POLR1C: variants seen among roughly 807,000 people sequenced by gnomAD.
The protein encoded by POLR1C is RNA polymerase I and III subunit C.
Under a neutral mutation model 38.3 loss-of-function variants are expected in POLR1C, and 42 were observed. The ratio of observed to expected loss-of-function variants is 1.10; its 90% confidence interval spans 0.86 to 1.42. The LOEUF (loss-of-function observed/expected upper bound fraction) is 1.42, where lower values mean the gene tolerates loss of function less well. Ranked by LOEUF, POLR1C falls within the 40% of genes most tolerant of loss-of-function variation. POLR1C has a pLI of 0.00. For synonymous variants in POLR1C, 163 were observed against 163.9 expected (o/e 0.99, Z 0.04); for missense variants, 507 against 450.5 (o/e 1.13, Z -1.14).
downstream of POLR1C, chr6:43,530,832 G>A (rs754345399): frequency 1.2e-6 from 2 of 1,603,594 alleles, no homozygotes; most frequent in Non-Finnish European, 1.7e-6. Context: ...AAACTGTAAA[G>A]GGGAAAAAAA....
intron 3 of POLR1C, 81 bp downstream of exon 3, chr6:43,519,521 G>A (rs1219726700): frequency 1.5e-6 from 2 of 1,358,692 alleles, no homozygotes; most frequent in South Asian, 1.2e-5. Flanking sequence ...AGTGTCTCAA[G>A]CTGTCCTTCC....
chr6:43,523,665 C>T (rs772002616), downstream of POLR1C: 6 of 858,158 alleles, frequency 7.0e-6, no homozygotes, highest in Non-Finnish European at 1.2e-5. Flanking sequence ...ATAGTTTAAG[C>T]CCTAACTCCC....
rs1231473411 is a variant in POLR1C at position 43,553,510 on chromosome 6, AACACACACACACACATACACACAC to A, written c.*48+2515_*48+2538del. Reference sequence around the variant, plus strand: ...GTTCCAACTGCAGAACAAGCTTTAAAACACACACACACACATACACACACACACACACACACACAATTATCAGCA... The same window carrying A: ...GTTCCAACTGCAGAACAAGCTTTAAAACACACACACACACAATTATCAGCA... On this transcript the variant is annotated intron_variant, in intron 10 of 10. Coordinates refer to the POLR1C transcript ENST00000607635. 21 of 1,503,560 alleles carry A rather than the reference AACACACACACACACATACACACAC, an allele frequency of 1.4e-5. No homozygotes were observed. The East Asian group carries it at 3.2e-4, about 23-fold the overall frequency. 93.1% of individuals were successfully genotyped at this position (1,503,560 alleles called of 1,614,324 possible).
chr6:43,557,783 TAAAAAAAAAAAAA>T (rs59661301), intron 10 of POLR1C, among the ~76,000 whole-genome samples: 5 of 87,230 alleles, frequency 5.7e-5, no homozygotes, highest in Non-Finnish European at 9.0e-5. Context: ...AATAAAGCTG[TAAAAAAAAAAAAA>T]AAAAAAAAAA....
chr6:43,552,294 G>A (rs1044395762), intron 10 of POLR1C, among the ~76,000 whole-genome samples: 1 of 152,088 alleles, frequency 6.6e-6, no homozygotes, highest in African/African-American at 2.4e-5. Context: ...CTGACCTCAG[G>A]TGATCCACCC....
intron 10 of POLR1C, chr6:43,556,170 T>C: frequency 1.7e-6 from 1 of 572,066 alleles, no homozygotes; most frequent in East Asian, 3.3e-5. Flanking sequence ...GGAAACTGTA[T>C]TACCAGCTAG....
At chr6:43,530,558 ATACACT>A, downstream of POLR1C, 1 of 1,088,626 alleles carries the variant, frequency 9.2e-7, no homozygotes, top group Non-Finnish European at 1.3e-6. Context: ...TAATGACATG[ATACACT>A]TAGATACATA....
chr6:43,537,480 C>T (rs1025477208), intron 9 of POLR1C, among the ~76,000 whole-genome samples: 7 of 152,204 alleles, frequency 4.6e-5, no homozygotes, highest in African/African-American at 1.4e-4. Context: ...AATATGGTGT[C>T]TGTCCTCGAC....
chr6:43,528,272 T>G, intron 8 of POLR1C: 1 of 1,471,002 alleles, frequency 6.8e-7, no homozygotes, highest in Non-Finnish European at 9.3e-7. Context: ...ATATCTAAAG[T>G]CAAGTCCACT....
intron 9 of POLR1C, among the ~76,000 whole-genome samples, chr6:43,540,365 G>A (rs779229078): frequency 3.3e-5 from 5 of 152,242 alleles, no homozygotes; most frequent in Non-Finnish European, 7.3e-5. Flanking sequence ...TGTAGTCCCA[G>A]CTACTTGGGA....
intron 10 of POLR1C, chr6:43,558,360 G>A (rs1762223110): frequency 2.8e-6 from 2 of 707,492 alleles, no homozygotes; most frequent in Non-Finnish European, 4.6e-6. Context: ...CTTCTGCAAT[G>A]GGAAACTAGG....
downstream of POLR1C, chr6:43,525,342 T>C: frequency 2.3e-6 from 2 of 882,922 alleles, no homozygotes; most frequent in South Asian, 3.5e-5. Flanking sequence ...TTTGTTTTGT[T>C]GCCCAGGCTG....
chr6:43,553,981 T>A (rs1761875751), intron 10 of POLR1C, among the ~76,000 whole-genome samples: 1 of 152,188 alleles, frequency 6.6e-6, no homozygotes, highest in Admixed American at 6.5e-5. Context: ...CTGCTTCACA[T>A]CCAATAGCCT....
intron 10 of POLR1C, among the ~76,000 whole-genome samples, chr6:43,557,986 T>C (rs1006243078): frequency 6.6e-6 from 1 of 151,434 alleles, no homozygotes; most frequent in African/African-American, 2.4e-5. Flanking sequence ...TCCCAGCTAC[T>C]TGGGAAGCTG....
At chr6:43,523,891 G>C, downstream of POLR1C, 1 of 1,614,038 alleles carries the variant, frequency 6.2e-7, no homozygotes, top group Non-Finnish European at 8.5e-7. Flanking sequence ...ATGGTGGCCA[G>C]GCCACCCCCA....
chr6:43,548,553 C>T (rs1168457058), intron 9 of POLR1C: 35 of 1,190,622 alleles, frequency 2.9e-5, no homozygotes, highest in Non-Finnish European at 3.7e-5. Context: ...AAAACCAAAG[C>T]AGTCCCAGGA....
At chr6:43,519,883 A>C (rs1793047743) in intron 4 of POLR1C, 45 bp downstream of exon 4, 2 of 1,595,610 alleles carry the variant, frequency 1.3e-6, no homozygotes, top group Non-Finnish European at 1.7e-6. Context: ...CTGGGTTCAA[A>C]TCCTGGTTGA....
At chr6:43,561,110 T>C (rs1561882969) in intron 10 of POLR1C, 3 of 1,008,290 alleles carry the variant, frequency 3.0e-6, no homozygotes, top group South Asian at 1.4e-5. Flanking sequence ...TCAAAAAATG[T>C]TGTTTCAAAA....
chr6:43,524,144 G>T, downstream of POLR1C: 4 of 1,287,454 alleles, frequency 3.1e-6, no homozygotes, highest in Non-Finnish European at 3.1e-6. Flanking sequence ...CTGAGGTCAG[G>T]AGTTCAAGAC....
Sources: allele counts gnomAD v4.1 joint callset (sites outside exome capture counted in the v4.1 genomes callset), GRCh38; gene constraint gnomAD v4.1.1; transcripts MANE v1.5; gene names NCBI Gene and HGNC (gene_info 2026-07-23, HGNC 2026-07-21).